The following APOL5 variants were observed in gnomAD, a reference collection of about 807,000 sequenced individuals.
APOL5 encodes the protein apolipoprotein L, 5.
A neutral mutation model predicts 35.5 loss-of-function variants in APOL5; 29 were observed. The observed-to-expected ratio is 0.82, with a 90% confidence interval of 0.61 to 1.11. The LOEUF (loss-of-function observed/expected upper bound fraction) is 1.11. Among genes scored for constraint, APOL5 ranks in the 50% most tolerant of loss-of-function variants. APOL5 has a pLI of 0.00. For synonymous variants in APOL5, 188 were observed against 200.2 expected (o/e 0.94, Z 0.51); for missense variants, 514 against 530.4 (o/e 0.97, Z 0.30).
At chr22:35,719,072 T>C (rs978010535) in intron 1 of APOL5, among the ~76,000 whole-genome samples, 27 of 150,790 alleles carry the variant, frequency 1.8e-4, no homozygotes, top group African/African-American at 6.1e-4. Flanking sequence ...ATAATAATAA[T>C]AAATAATAAT....
At chr22:35,714,172 C>T (rs1289895970), upstream of APOL5, among the ~76,000 whole-genome samples, 11 of 151,996 alleles carry the variant, frequency 7.2e-5, no homozygotes, top group South Asian at 2.1e-4. Context: ...ATTAGCCAGG[C>T]GTGGTGGTGC....
chr22:35,712,432 G>A, the APOL5 span, among the ~76,000 whole-genome samples: 38 of 151,990 alleles, frequency 2.5e-4, no homozygotes, highest in African/African-American at 9.2e-4. Flanking sequence ...TGCCCAGGTT[G>A]GTCTTGAACT....
At chr22:35,709,972 TTC>T in the APOL5 span, among the ~76,000 whole-genome samples, 5 of 152,146 alleles carry the variant, frequency 3.3e-5, no homozygotes, top group Non-Finnish European at 5.9e-5. Context: ...GGGAAATTCC[TTC>T]ACTAACTTTA....
upstream of APOL5, chr22:35,717,834 A>T (rs768202526): frequency 6.8e-6 from 10 of 1,473,458 alleles, no homozygotes; most frequent in Non-Finnish European, 9.1e-6. Flanking sequence ...CATATTTATT[A>T]ATCATATTAT....
the APOL5 span, among the ~76,000 whole-genome samples, chr22:35,709,111 TGGACTTGA>T: frequency 6.6e-6 from 1 of 152,180 alleles, no homozygotes; most frequent in South Asian, 2.1e-4. Context: ...CCATGGGTGG[TGGACTTGA>T]AATGACCTGT....
chr22:35,724,505 A>G (rs1436934718), intron 2 of APOL5, among the ~76,000 whole-genome samples: 3 of 152,164 alleles, frequency 2.0e-5, no homozygotes, highest in African/African-American at 7.2e-5. Context: ...GTATGCATGT[A>G]TGTATATCTT....
At chr22:35,708,856 A>G in the APOL5 span, among the ~76,000 whole-genome samples, 1 of 152,152 alleles carries the variant, frequency 6.6e-6, no homozygotes, top group Non-Finnish European at 1.5e-5. Context: ...GTGGGGACCC[A>G]TATAGGAACA....
At chr22:35,716,591 G>A (rs2145994138), upstream of APOL5, among the ~76,000 whole-genome samples, 1 of 152,238 alleles carries the variant, frequency 6.6e-6, no homozygotes, top group Non-Finnish European at 1.5e-5. Flanking sequence ...AAACTAACAA[G>A]TTACTTTGGT....
In APOL5 at chr22:35,717,878, T is replaced by A. The variant is rs773074929; in HGVS notation, c.7T>A (p.Cys3Ser). Residue 3 changes from cysteine to serine, a missense_variant, in exon 1 of 5, where the codon TGT becomes AGT. Cys to Ser is a moderately radical substitution (Grantham distance 112, BLOSUM62 -1). This residue lies in a region of APOL5 where 254 missense variants were observed against 254.7 expected (regional missense o/e 1.00). Transcript: ENST00000249044. MP[C>S]GKQGNLQVPG... ...ATTTTAAAAAATCTAAAGCATGCCA[T>A]GTGGCAAACAAGGAAATTTGCAAGT... 11 of 1,578,632 alleles carry A rather than the reference T, an allele frequency of 7.0e-6. No individual in the cohort carries two copies. The Admixed American group carries it at 1.9e-4, about 28-fold the overall frequency.
Position 35,728,949 on chromosome 22 carries a change from A to G in APOL5, c.*6+45A>G, listed in dbSNP as rs775320169. On this transcript the variant is annotated intron_variant, in intron 4 of 4. Coordinates refer to ENST00000249044, the MANE Select transcript of APOL5 (RefSeq NM_030642.1). ...GCCAGGAGCTGTGGGAACCCCTGACAGTGAAGTAACCCCTCCTTGGGTGGG... is the reference window on the plus strand; with the variant it reads ...GCCAGGAGCTGTGGGAACCCCTGACGGTGAAGTAACCCCTCCTTGGGTGGG... 4.6e-6 allele frequency: 7 copies of G among 1,524,620 alleles called. No homozygotes were observed. In the Admixed American group the frequency reaches 1.5e-4, roughly 32 times the overall value. 94.4% of individuals were successfully genotyped at this position (1,524,620 alleles called of 1,614,324 possible). A position where few individuals can be genotyped will look rare whatever the true frequency, so the allele number is the denominator to read the frequency against.
rs776279359 is a variant in APOL5, at chr22:35,717,882, G to C, written c.11G>C (p.Gly4Ala). The stretch of plus-strand genomic sequence containing the variant: ...TAAAAAATCTAAAGCATGCCATGTG[G>C]CAAACAAGGAAATTTGCAAGTTCCC... MPC[G>A]KQGNLQVPGS... Residue 4 changes from glycine (G) to alanine (A), a missense_variant, in exon 1 of 5, where the codon GGC (glycine) becomes GCC (alanine). Physicochemically the swap from Gly to Ala is moderately conservative, Grantham distance 60 (BLOSUM62 0). Coordinates refer to ENST00000249044, the MANE Select transcript of APOL5 (RefSeq NM_030642.1). The C allele has an allele frequency of 1.6e-5, 26 of 1,583,400 alleles. No individual in the cohort carries two copies. In the Admixed American group the frequency reaches 1.7e-4, roughly 11 times the overall value.
At chr22:35,717,309 C>T (rs1231025838), upstream of APOL5, among the ~76,000 whole-genome samples, 1 of 143,942 alleles carries the variant, frequency 6.9e-6, no homozygotes, top group Non-Finnish European at 1.5e-5. Flanking sequence ...GGGGCTAAGA[C>T]AGGAGGATCA....
the APOL5 span, among the ~76,000 whole-genome samples, chr22:35,711,599 T>TTTCC: frequency 0.14 from 10,869 of 77,552 alleles, 940 homozygotes; most frequent in Admixed American, 0.2. Context: ...TCACCATGTT[T>TTTCC]TTCCTTCCTT....
At chr22:35,711,667 C>G in the APOL5 span, among the ~76,000 whole-genome samples, 17 of 141,852 alleles carry the variant, frequency 1.2e-4, no homozygotes, top group Non-Finnish European at 2.5e-4. Flanking sequence ...TCCCTCTCTT[C>G]CTCCCTTCCT....
intron 1 of APOL5, among the ~76,000 whole-genome samples, chr22:35,718,994 G>C (rs1324801165): frequency 2.7e-5 from 4 of 150,480 alleles, no homozygotes; most frequent in Admixed American, 6.6e-5. Context: ...AGGAGGCGCA[G>C]GTTGCAGTGA....
At chr22:35,711,628 T>TTCCTTCCTTCCG in the APOL5 span, among the ~76,000 whole-genome samples, 2 of 148,022 alleles carry the variant, frequency 1.4e-5, no homozygotes, top group Admixed American at 6.8e-5. Context: ...CCTTCCTTCC[T>TTCCTTCCTTCCG]TCCTTCCTTC....
At chr22:35,711,524 A>G in the APOL5 span, among the ~76,000 whole-genome samples, 2 of 152,110 alleles carry the variant, frequency 1.3e-5, no homozygotes, top group Non-Finnish European at 2.9e-5. Flanking sequence ...CTTACACAGC[A>G]GCTGCATTAT....
At chr22:35,717,820 G>A, upstream of APOL5, 1 of 1,335,554 alleles carries the variant, frequency 7.5e-7, no homozygotes. Context: ...ATGGAGAAGG[G>A]AGTCATATTT....
At position 35,727,174 on chromosome 22, in the gene APOL5, C is replaced by A; in HGVS notation, c.1106C>A (p.Ser369Tyr). 6.2e-7 allele frequency: 1 copy of A among 1,602,170 alleles called. No individual in the cohort carries two copies. Among genetic ancestry groups the A allele is most frequent in the Non-Finnish European group, 8.5e-7 (1 of 1,179,076 alleles). Residue 369 changes from serine (S) to tyrosine (Y), a missense_variant, in exon 3 of 5, where the codon TCC (serine) becomes TAC (tyrosine). By Grantham distance (144) the Ser-to-Tyr change is moderately radical. Around this residue, in one of 3 missense-constraint regions of APOL5, gnomAD observed 238 missense variants for 229.1 expected, o/e 1.04. Coordinates refer to ENST00000249044, the MANE Select transcript of APOL5 (RefSeq NM_030642.1). ...SSSRGRAVRG[S>Y]RVVKPEGSRS... ...TCCCGGGGCAGGGCTGTTCGAGGAT[C>A]CCGTGTGGTTAAACCAGAAGGTAGG...
Sources: gnomAD v4.1 joint callset for allele counts (sites outside exome capture counted in the v4.1 genomes callset) on GRCh38, gnomAD v4.1.1 for gene constraint, gnomAD v4.1.1 regional missense constraint, MANE v1.5 for transcripts, NCBI Gene and HGNC (gene_info 2026-07-23, HGNC 2026-07-21) for gene names.